USP24: variants seen among roughly 807,000 people sequenced by gnomAD.
USP24 encodes ubiquitin carboxyl-terminal hydrolase 24.
Under a neutral mutation model 361.6 loss-of-function variants are expected in USP24, and 97 were observed. That is an observed-to-expected ratio of 0.27 (90% CI 0.23 to 0.32). USP24 has a LOEUF of 0.32. Ranked by LOEUF, USP24 falls within the 10% of genes least tolerant of loss-of-function variation. The pLI, the probability that USP24 is intolerant of heterozygous loss-of-function variation, is 1.00. For missense variants in USP24, 2,353 were observed against 3,165.6 expected, an observed-to-expected ratio of 0.74 and a Z score of 6.16; for synonymous variants, 1,098 against 1,124.6, an observed-to-expected ratio of 0.98 and a Z score of 0.47.
intron 24 of USP24, among the ~76,000 whole-genome samples, chr1:55,139,826 TA>T (rs921446188): frequency 6.6e-6 from 1 of 152,192 alleles, no homozygotes; most frequent in Non-Finnish European, 1.5e-5. Context: ...TAAATATACT[TA>T]ACAGAGTTCT....
Position 55,132,716 on chromosome 1 carries a change from T to A in USP24, c.3382-16A>T. On this transcript the variant is annotated splice_polypyrimidine_tract_variant and intron_variant, in intron 30 of 67. Coordinates refer to ENST00000294383, the MANE Select transcript of USP24 (RefSeq NM_015306.3). The stretch of plus-strand genomic sequence containing the variant: ...GCAATGTTTTCTAAGTTTAAGAGAA[T>A]GAGAAAGACATAAACTACTTAAAAG... The A allele has an allele frequency of 6.2e-7, 1 of 1,605,658 alleles. No individual in the cohort carries two copies. Among genetic ancestry groups the A allele is most frequent in the Non-Finnish European group, 8.5e-7 (1 of 1,175,510 alleles).
At position 55,188,010 on chromosome 1, in the gene USP24, G is replaced by A. The variant is rs528990855; in HGVS notation, c.325-9878C>T. Among the ~76,000 whole-genome samples, 8 of 152,228 alleles carry A rather than the reference G, an allele frequency of 5.3e-5. No individual in the cohort carries two copies. The East Asian group carries it at 1.5e-3, about 29-fold the overall frequency. ...TCCCATTTTCAAAACTTACTACAGC[G>A]CTATAGTAATCAAGACAATCTGGTA... On this transcript the variant is annotated intron_variant, in intron 1 of 67. Coordinates refer to ENST00000294383, the MANE Select transcript of USP24 (RefSeq NM_015306.3).
Position 55,077,087 on chromosome 1 carries a change from G to C in USP24, c.7380+148C>G, listed in dbSNP as rs1645044302. On this transcript the variant is annotated intron_variant, in intron 62 of 67. Coordinates refer to ENST00000294383, the MANE Select transcript of USP24 (RefSeq NM_015306.3). ...GCTCGCCTCTAAACCAAATGCATTA[G>C]ACACATGACTGACACGAAGATTTGG... The C allele has an allele frequency of 2.3e-5, 16 of 707,884 alleles. No homozygotes were observed. The South Asian group carries it at 4.4e-4, about 19-fold the overall frequency. The allele number at this position is 707,884 out of a possible 1,614,324, so 43.9% of individuals were successfully genotyped here. A position where few individuals can be genotyped will look rare whatever the true frequency, so the allele number is the denominator to read the frequency against.
chr1:55,186,850 G>A (rs1479397640), intron 1 of USP24, among the ~76,000 whole-genome samples: 1 of 152,066 alleles, frequency 6.6e-6, no homozygotes, highest in Non-Finnish European at 1.5e-5. Context: ...TGGGACTGAT[G>A]GATGCAGAAC....
Position 55,098,151 on chromosome 1 carries a change from A to G in USP24, c.5454-67T>C, listed in dbSNP as rs967983298. Reference sequence around the variant, plus strand: ...TTTAAAACTCTTCAATTATCATAATACCTAAGCTTGAACACAGAACTACAT... The same window carrying G: ...TTTAAAACTCTTCAATTATCATAATGCCTAAGCTTGAACACAGAACTACAT... On this transcript the variant is annotated intron_variant, in intron 46 of 67. Coordinates refer to ENST00000294383, the MANE Select transcript of USP24 (RefSeq NM_015306.3). 99 of 1,457,084 alleles carry G rather than the reference A, an allele frequency of 6.8e-5. 1 individual carries two copies. The South Asian group carries it at 1.3e-3, about 20-fold the overall frequency. 90.3% of individuals were successfully genotyped at this position (1,457,084 alleles called of 1,614,324 possible).
Position 55,137,993 on chromosome 1 carries a change from A to T in USP24, c.2929-89T>A, listed in dbSNP as rs1470634929. On this transcript the variant is annotated intron_variant, in intron 26 of 67. Transcript: ENST00000294383. ...AGTGAACATCTACTAGGTACTGGGC[A>T]CTGTTCTAGAAGCTGGGAACACAGC... 4 of 1,276,802 alleles carry T rather than the reference A, an allele frequency of 3.1e-6. No homozygotes were observed. In the East Asian group the frequency reaches 1.0e-4, roughly 32 times the overall value. The allele number at this position is 1,276,802 out of a possible 1,614,324, so 79.1% of individuals were successfully genotyped here. A position where few individuals can be genotyped will look rare whatever the true frequency, so the allele number is the denominator to read the frequency against.
intron 45 of USP24, among the ~76,000 whole-genome samples, chr1:55,098,977 G>T (rs1645562022): frequency 6.6e-6 from 1 of 152,208 alleles, no homozygotes. Context: ...ATCTGAGAAG[G>T]CAATACCGTT....
intron 5 of USP24, among the ~76,000 whole-genome samples, chr1:55,168,360 T>C (rs1649096944): frequency 6.6e-6 from 1 of 151,606 alleles, no homozygotes; most frequent in South Asian, 2.1e-4. Context: ...CAGCTAAAAA[T>C]AACACTACTG....
intron 62 of USP24, 123 bp downstream of exon 62, chr1:55,077,112 G>A: frequency 1.1e-6 from 1 of 935,050 alleles, no homozygotes; most frequent in African/African-American, 1.7e-5. Flanking sequence ...CGAAGATTTG[G>A]TCTCAATAAA....
intron 67 of USP24, 98 bp downstream of exon 67, chr1:55,071,716 G>A: frequency 7.9e-7 from 1 of 1,270,798 alleles, no homozygotes; most frequent in Non-Finnish European, 1.1e-6. Context: ...TCACATTCCA[G>A]AGGAAGCATC....
chr1:55,148,384 C>T, intron 17 of USP24, 79 bp downstream of exon 17: 1 of 1,048,174 alleles, frequency 9.5e-7, no homozygotes, highest in Non-Finnish European at 1.4e-6. Context: ...TGACTATAAA[C>T]TCAGCAATTT....
Position 55,067,213 on chromosome 1 carries a change from C to T in USP24, c.*1832G>A, listed in dbSNP as rs758417217. 6.6e-6 allele frequency: 1 copy of T among 151,858 alleles called. No individual in the cohort carries two copies. The highest frequency in any genetic ancestry group is 1.5e-5 in the Non-Finnish European group (1 of 67,972). 9.4% of individuals were successfully genotyped at this position (151,858 alleles called of 1,614,324 possible). ...GCGATGATATCCCAGTGTGGATCATCGCCAGCATTTCAAGGTCATGTCCCA... is the reference window on the plus strand; with the variant it reads ...GCGATGATATCCCAGTGTGGATCATTGCCAGCATTTCAAGGTCATGTCCCA... On this transcript the variant is annotated 3_prime_UTR_variant, in exon 68 of 68. Transcript: ENST00000294383.
At chr1:55,087,930 C>G (rs1339319342) in intron 55 of USP24, among the ~76,000 whole-genome samples, 1 of 152,162 alleles carries the variant, frequency 6.6e-6, no homozygotes, top group Non-Finnish European at 1.5e-5. Context: ...GTGCAAGGAC[C>G]TTGAGGCAGG....
chr1:55,190,255 T>C (rs552737685), intron 1 of USP24, among the ~76,000 whole-genome samples: 121 of 151,576 alleles, frequency 8.0e-4, no homozygotes, highest in African/African-American at 2.9e-3. Flanking sequence ...GCAGTTAACA[T>C]TCTTGGTCTT....
At position 55,077,318 on chromosome 1, in the gene USP24, A is replaced by T. The variant is rs1223400305; in HGVS notation, c.7315-18T>A. On this transcript the variant is annotated intron_variant, in intron 61 of 67. Transcript: ENST00000294383. Reference sequence around the variant, plus strand: ...AGTTGGTTCTGAAATATTTTTTAAAAGCATAAAAACTTCAGTGGAAAGCAT... The same window carrying T: ...AGTTGGTTCTGAAATATTTTTTAAATGCATAAAAACTTCAGTGGAAAGCAT... 4 of 1,545,162 alleles carry T rather than the reference A, an allele frequency of 2.6e-6. No homozygotes were observed. The highest frequency in any genetic ancestry group is 3.4e-4 in the Middle Eastern group (2 of 5,938).
intron 1 of USP24, among the ~76,000 whole-genome samples, chr1:55,181,532 G>A (rs2100837465): frequency 6.6e-6 from 1 of 152,266 alleles, no homozygotes; most frequent in South Asian, 2.1e-4. Context: ...GCACACATGT[G>A]AAATGCTTAA....
chr1:55,163,352 A>G (rs1465261707), intron 7 of USP24, among the ~76,000 whole-genome samples: 2 of 152,034 alleles, frequency 1.3e-5, no homozygotes, highest in Non-Finnish European at 2.9e-5. Context: ...ATACTAGGAG[A>G]AAAGATTTAC....
At chr1:55,090,416 A>G (rs748758963) in intron 54 of USP24, among the ~76,000 whole-genome samples, 1 of 152,264 alleles carries the variant, frequency 6.6e-6, no homozygotes, top group Non-Finnish European at 1.5e-5. Context: ...TATGCCAGAC[A>G]TTAAAAGAAA....
At chr1:55,138,799 G>C in intron 25 of USP24, 81 bp from the exon 26 acceptor site, 1 of 1,292,416 alleles carries the variant, frequency 7.7e-7, no homozygotes, top group Non-Finnish European at 1.1e-6. Context: ...TATATATGAT[G>C]AATGAAGATG....
Sources: gnomAD v4.1 joint callset for allele counts (sites outside exome capture counted in the v4.1 genomes callset) on GRCh38, gnomAD v4.1.1 for gene constraint, MANE v1.5 for transcripts, NCBI Gene and HGNC (gene_info 2026-07-23, HGNC 2026-07-21) for gene names.